The following BAZ1A variants were observed in gnomAD, a reference collection of about 807,000 sequenced individuals.
BAZ1A encodes the protein bromodomain adjacent to zinc finger domain 1A, also known as bromodomain adjacent to zinc finger domain protein 1A.
A neutral mutation model predicts 185.2 loss-of-function variants in BAZ1A; 50 were observed. The observed-to-expected ratio is 0.27, with a 90% CI of 0.22 to 0.34. The LOEUF (loss-of-function observed/expected upper bound fraction) is 0.34, where lower values mean the gene tolerates loss of function less well. BAZ1A is among the 10% of genes least tolerant of loss of function. The pLI, the probability that BAZ1A is intolerant of heterozygous loss-of-function variation, is 1.00. For missense variants in BAZ1A, 1,356 were observed against 1,839.9 expected (o/e 0.74, Z 4.81); for synonymous variants, 571 against 615.6 (o/e 0.93, Z 1.07).
intron 25 of BAZ1A, among the ~76,000 whole-genome samples, chr14:34,757,989 C>T (rs1215386322): frequency 7.3e-5 from 11 of 150,878 alleles, no homozygotes; most frequent in African/African-American, 1.7e-4. Flanking sequence ...CCTCGTGATC[C>T]GCCCGCCTCG....
intron 3 of BAZ1A, among the ~76,000 whole-genome samples, chr14:34,847,341 T>C (rs890726082): frequency 2.0e-5 from 3 of 151,968 alleles, no homozygotes; most frequent in African/African-American, 7.3e-5. Flanking sequence ...GCAATTTTTA[T>C]CTTACGAATT....
At chr14:34,801,583 A>C (rs922922092) in intron 7 of BAZ1A, among the ~76,000 whole-genome samples, 2 of 152,318 alleles carry the variant, frequency 1.3e-5, no homozygotes, top group East Asian at 3.9e-4. Flanking sequence ...GGTGTGAGCC[A>C]CTGTGCCCAG....
At chr14:34,816,932 C>T (rs945840267) in intron 4 of BAZ1A, 1 of 312,208 alleles carries the variant, frequency 3.2e-6, no homozygotes, top group Admixed American at 3.8e-5. Context: ...CTTTAAAAAT[C>T]TATTAGTAAT....
intron 3 of BAZ1A, among the ~76,000 whole-genome samples, chr14:34,828,237 G>A (rs531537392): frequency 1.4e-5 from 2 of 143,118 alleles, no homozygotes; most frequent in African/African-American, 5.2e-5. Context: ...AGGTTGCTGT[G>A]AGCCAAGATT....
At chr14:34,756,465 TA>T (rs745784381) in intron 25 of BAZ1A, among the ~76,000 whole-genome samples, 5,442 of 81,716 alleles carry the variant, frequency 0.067, 460 homozygotes, top group Non-Finnish European at 0.11. Flanking sequence ...CCAGAATACC[TA>T]TTTTTTTTTT....
intron 18 of BAZ1A, among the ~76,000 whole-genome samples, chr14:34,775,500 T>C (rs139422499): frequency 0.014 from 2,085 of 152,302 alleles, 43 homozygotes; most frequent in Non-Finnish European, 0.016. Flanking sequence ...GACCTGCCCT[T>C]GCAGCCAAGC....
chr14:34,850,210 T>C (rs2042576519), intron 3 of BAZ1A, among the ~76,000 whole-genome samples: 2 of 152,042 alleles, frequency 1.3e-5, no homozygotes, highest in African/African-American at 2.4e-5. Flanking sequence ...ATACCCCATC[T>C]CCACAAAAGA....
intron 4 of BAZ1A, among the ~76,000 whole-genome samples, chr14:34,813,499 A>G (rs1334527073): frequency 6.6e-6 from 1 of 152,070 alleles, no homozygotes; most frequent in Non-Finnish European, 1.5e-5. Flanking sequence ...CCTGGCTAAC[A>G]TGGTGAAACC....
At chr14:34,860,344 C>T (rs1039073196) in intron 3 of BAZ1A, among the ~76,000 whole-genome samples, 2 of 151,268 alleles carry the variant, frequency 1.3e-5, no homozygotes, top group African/African-American at 4.9e-5. Context: ...CCCGTCTCTA[C>T]AAAAAATACA....
At chr14:34,781,716 C>G (rs538204579) in intron 16 of BAZ1A, among the ~76,000 whole-genome samples, 2 of 152,326 alleles carry the variant, frequency 1.3e-5, no homozygotes, top group African/African-American at 4.8e-5. Context: ...AGGTTGGTCT[C>G]AAACTCCTGA....
intron 12 of BAZ1A, among the ~76,000 whole-genome samples, chr14:34,790,023 G>A (rs564928219): frequency 6.6e-6 from 1 of 152,250 alleles, no homozygotes; most frequent in Non-Finnish European, 1.5e-5. Context: ...ATGAAACAAT[G>A]CGTAGTCTCT....
chr14:34,762,465 GTTTTC>G (rs938425577), intron 23 of BAZ1A, among the ~76,000 whole-genome samples: 28 of 150,676 alleles, frequency 1.9e-4, no homozygotes, highest in African/African-American at 5.1e-4. Context: ...AATATTTTAT[GTTTTC>G]TTTTCTTTTC....
chr14:34,807,566 G>A (rs755754338), intron 5 of BAZ1A, 28 bp from the exon 6 acceptor site: 1 of 1,546,674 alleles, frequency 6.5e-7, no homozygotes, highest in South Asian at 1.1e-5. Flanking sequence ...GTCAAAGAGG[G>A]GTAGTGTTAG....
At chr14:34,865,082 A>T (rs75309027) in intron 2 of BAZ1A, among the ~76,000 whole-genome samples, 43,262 of 151,664 alleles carry the variant, frequency 0.29, 6,721 homozygotes, top group Non-Finnish European at 0.36. Flanking sequence ...AGCCAATATA[A>T]TTTTTTTTAA....
intron 6 of BAZ1A, 62 bp from the exon 7 acceptor site, chr14:34,803,050 C>T: frequency 6.8e-7 from 1 of 1,480,634 alleles, no homozygotes. Context: ...TACAGATATG[C>T]CCTAACATGT....
Position 34,875,236 on chromosome 14 carries a change from C to T in BAZ1A, c.-157G>A. On this transcript the variant is annotated 5_prime_UTR_variant, in exon 1 of 27. Transcript: ENST00000360310. ...GGGGACCGCCTCTCTCCGGCCCCGCCGCGCCCCTGGCTGCCGCTTCTCCCG... is the reference window on the plus strand; with the variant it reads ...GGGGACCGCCTCTCTCCGGCCCCGCTGCGCCCCTGGCTGCCGCTTCTCCCG... 1 of 453,496 alleles carries T rather than the reference C, an allele frequency of 2.2e-6. No individual in the cohort carries two copies. The highest frequency in any genetic ancestry group is 1.6e-5 in the South Asian group (1 of 64,416). The allele number at this position is 453,496 out of a possible 1,614,324, so 28.1% of individuals were successfully genotyped here.
intron 12 of BAZ1A, among the ~76,000 whole-genome samples, chr14:34,787,363 A>AAAAAAAAAAAAAGAAAAG (rs775338809): frequency 8.9e-6 from 1 of 112,820 alleles, no homozygotes; most frequent in Admixed American, 1.1e-4. Context: ...AAAAAAAAAA[A>AAAAAAAAAAAAAGAAAAG]AAAAAGAAAA....
At chr14:34,799,368 G>T (rs1264539109) in intron 9 of BAZ1A, among the ~76,000 whole-genome samples, 4 of 151,984 alleles carry the variant, frequency 2.6e-5, no homozygotes, top group Non-Finnish European at 5.9e-5. Context: ...AGGTACCCTA[G>T]AACTTAAAGT....
At chr14:34,838,980 C>T (rs996937004) in intron 3 of BAZ1A, among the ~76,000 whole-genome samples, 9 of 152,112 alleles carry the variant, frequency 5.9e-5, no homozygotes, top group Admixed American at 6.6e-5. Flanking sequence ...GTAATAAATA[C>T]TACACAAAGC....
Sources: allele counts gnomAD v4.1 joint callset (sites outside exome capture counted in the v4.1 genomes callset), GRCh38; gene constraint gnomAD v4.1.1; transcripts MANE v1.5; gene names NCBI Gene and HGNC (gene_info 2026-07-23, HGNC 2026-07-21).